CNTN5: variants seen among roughly 807,000 people sequenced by gnomAD.
CNTN5 encodes contactin-5.
A neutral mutation model predicts 129.1 loss-of-function variants in CNTN5; 77 were observed. The observed-to-expected ratio is 0.60, with a 90% CI of 0.50 to 0.72. The LOEUF (loss-of-function observed/expected upper bound fraction) is 0.72, where lower values mean the gene tolerates loss of function less well. Among genes scored for constraint, CNTN5 ranks in the 30% least tolerant of loss-of-function variants. The pLI, the probability that CNTN5 is intolerant of heterozygous loss-of-function variation, is 0.00. For synonymous variants in CNTN5, 509 were observed against 465.6 expected, an observed-to-expected ratio of 1.09 and a Z score of -1.20; for missense variants, 1,478 against 1,328.8, an observed-to-expected ratio of 1.11 and a Z score of -1.75.
chr11:99,899,174 G>A (rs920854623), intron 6 of CNTN5, among the ~76,000 whole-genome samples: 1 of 152,030 alleles, frequency 6.6e-6, no homozygotes, highest in Non-Finnish European at 1.5e-5. Context: ...TCAGTGAACA[G>A]AGATAATTTG....
intron 9 of CNTN5, among the ~76,000 whole-genome samples, chr11:100,013,301 A>G (rs530948670): frequency 6.6e-6 from 1 of 152,300 alleles, no homozygotes; most frequent in African/African-American, 2.4e-5. Context: ...CAATATAGCC[A>G]TGTAACCAAA....
At chr11:99,712,500 A>G (rs1955034765) in intron 3 of CNTN5, among the ~76,000 whole-genome samples, 1 of 151,844 alleles carries the variant, frequency 6.6e-6, no homozygotes, top group Non-Finnish European at 1.5e-5. Flanking sequence ...CCATTTGTCT[A>G]TTTTGGCTTT....
intron 2 of CNTN5, among the ~76,000 whole-genome samples, chr11:99,328,084 T>G (rs1205136375): frequency 6.6e-6 from 1 of 152,166 alleles, no homozygotes. Flanking sequence ...GCTCTGAATT[T>G]CAAAAATAGG....
Position 99,491,919 on chromosome 11 carries a change from G to A in CNTN5, c.-70-64226G>A, listed in dbSNP as rs77004590. Among the ~76,000 whole-genome samples the A allele has an allele frequency of 7.0e-3, 1,060 of 152,284 alleles. 10 individuals are homozygous for A. Among genetic ancestry groups the A allele is most frequent in the African/African-American group, 0.024 (1,001 of 41,564 alleles). On this transcript the variant is annotated intron_variant, in intron 2 of 24. Coordinates refer to ENST00000524871, the MANE Select transcript of CNTN5 (RefSeq NM_014361.4). ...GGAAGGAAAGATAAATCATTATCCT[G>A]AAGAGGTTTTAAGCTGTTAAAGAGC...
chr11:100,143,968 G>T (rs1946773702), intron 13 of CNTN5, among the ~76,000 whole-genome samples: 1 of 152,018 alleles, frequency 6.6e-6, no homozygotes, highest in Non-Finnish European at 1.5e-5. Flanking sequence ...TATATTTCTG[G>T]TTTTCTCGCA....
Position 99,915,964 on chromosome 11 carries a change from A to G in CNTN5, c.578-90A>G, listed in dbSNP as rs527926181. ...AACAAACAAAAGACACCTTGTGAAG[A>G]TAACGATAGAAAGTAAGTACAAGTT... On this transcript the variant is annotated intron_variant, in intron 6 of 24. Coordinates refer to ENST00000524871, the MANE Select transcript of CNTN5 (RefSeq NM_014361.4). 79 of 971,660 alleles carry G rather than the reference A, an allele frequency of 8.1e-5. No individual in the cohort carries two copies. In the African/African-American group the frequency reaches 8.2e-4, roughly 10 times the overall value. 60.2% of individuals were successfully genotyped at this position (971,660 alleles called of 1,614,324 possible).
At chr11:99,487,228 A>G (rs1945853596) in intron 2 of CNTN5, among the ~76,000 whole-genome samples, 1 of 152,222 alleles carries the variant, frequency 6.6e-6, no homozygotes, top group Admixed American at 6.5e-5. Context: ...CTATACAGCA[A>G]GGCTGACACA....
In CNTN5 at chr11:99,890,954, C is replaced by T. The variant is rs114630577; in HGVS notation, c.578-25100C>T. Among the ~76,000 whole-genome samples the T allele has an allele frequency of 3.3e-3, 496 of 152,012 alleles. 3 individuals carry two copies. Among genetic ancestry groups the T allele is most frequent in the African/African-American group, 0.011 (476 of 41,452 alleles). The stretch of plus-strand genomic sequence containing the variant: ...TGGGGGAAAAAAATCAGACCATTGC[C>T]AATTGAGGGACATTTTGCAAAATAA... On this transcript the variant is annotated intron_variant, in intron 6 of 24. Coordinates refer to ENST00000524871, the MANE Select transcript of CNTN5 (RefSeq NM_014361.4).
chr11:99,773,739 G>A (rs748885164), intron 3 of CNTN5, among the ~76,000 whole-genome samples: 1 of 151,962 alleles, frequency 6.6e-6, no homozygotes, highest in East Asian at 1.9e-4. Context: ...TGCTATCTGA[G>A]TATGATTTTC....
chr11:99,353,096 C>T (rs1204159548), intron 2 of CNTN5, among the ~76,000 whole-genome samples: 1 of 152,108 alleles, frequency 6.6e-6, no homozygotes, highest in East Asian at 1.9e-4. Flanking sequence ...TTAAGGATTT[C>T]CTATAAGCCC....
intron 6 of CNTN5, among the ~76,000 whole-genome samples, chr11:99,879,424 G>GTA (rs140371960): frequency 0.011 from 1,633 of 152,258 alleles, 16 homozygotes; most frequent in Non-Finnish European, 0.016. Flanking sequence ...GGACCAGATA[G>GTA]TACACATTGG....
intron 3 of CNTN5, among the ~76,000 whole-genome samples, chr11:99,781,493 A>T (rs932856345): frequency 1.3e-5 from 2 of 152,030 alleles, no homozygotes; most frequent in African/African-American, 4.8e-5. Flanking sequence ...ATGTCTTCTT[A>T]ACCCCTTATC....
At chr11:99,100,579 C>T (rs1392261101) in intron 1 of CNTN5, among the ~76,000 whole-genome samples, 1 of 152,000 alleles carries the variant, frequency 6.6e-6, no homozygotes, top group Non-Finnish European at 1.5e-5. Context: ...ATCTATTAAG[C>T]TTTAACAAGG....
intron 8 of CNTN5, among the ~76,000 whole-genome samples, chr11:99,966,526 C>G (rs11222082): frequency 0.18 from 27,863 of 152,126 alleles, 3,567 homozygotes; most frequent in East Asian, 0.58. Context: ...ACTTTCATCT[C>G]CCATTCCCAG....
At chr11:100,354,923 G>A (rs1035198732) in intron 24 of CNTN5, among the ~76,000 whole-genome samples, 1 of 151,664 alleles carries the variant, frequency 6.6e-6, no homozygotes, top group Non-Finnish European at 1.5e-5. Flanking sequence ...AGCTTGCAGG[G>A]CTGGAAGTTC....
intron 3 of CNTN5, among the ~76,000 whole-genome samples, chr11:99,643,459 T>C (rs1435588154): frequency 6.6e-6 from 1 of 152,192 alleles, no homozygotes; most frequent in Admixed American, 6.5e-5. Context: ...CTTCTACTAC[T>C]TGGTATTTCA....
At chr11:99,690,479 T>A (rs1953996557) in intron 3 of CNTN5, among the ~76,000 whole-genome samples, 1 of 152,174 alleles carries the variant, frequency 6.6e-6, no homozygotes, top group Non-Finnish European at 1.5e-5. Flanking sequence ...ATTTTTAAGA[T>A]AGTTTTCTCT....
chr11:100,004,227 C>A (rs554959997), intron 9 of CNTN5, among the ~76,000 whole-genome samples: 3 of 152,126 alleles, frequency 2.0e-5, no homozygotes, highest in African/African-American at 7.2e-5. Context: ...GCTGTTTTCC[C>A]CCTCACTGTG....
rs562961017 is a variant in CNTN5, at chr11:99,802,127, T to C, written c.56-17417T>C. Reference sequence around the variant, plus strand: ...GTGTATGACTGTAGAGAATATTGAGTAGAATTTTTTGTCTGTTCTTCTATA... The same window carrying C: ...GTGTATGACTGTAGAGAATATTGAGCAGAATTTTTTGTCTGTTCTTCTATA... On this transcript the variant is annotated intron_variant, in intron 3 of 24. Coordinates refer to ENST00000524871, the MANE Select transcript of CNTN5 (RefSeq NM_014361.4). Among the ~76,000 whole-genome samples, 6 of 152,336 alleles carry C rather than the reference T, an allele frequency of 3.9e-5. No homozygotes were observed. In the South Asian group the frequency reaches 8.3e-4, roughly 21 times the overall value.
Sources: allele counts gnomAD v4.1 joint callset (sites outside exome capture counted in the v4.1 genomes callset), GRCh38; gene constraint gnomAD v4.1.1; transcripts MANE v1.5; gene names NCBI Gene and HGNC (gene_info 2026-07-23, HGNC 2026-07-21).